Variants in PKD1L1 observed in about 807,000 individuals in gnomAD.
PKD1L1 encodes the protein polycystin-1-like protein 1.
Under a neutral mutation model 323.4 loss-of-function variants are expected in PKD1L1, and 236 were observed. That is an observed-to-expected ratio of 0.73 (90% CI 0.66 to 0.81). The LOEUF is 0.81. Ranked by LOEUF, PKD1L1 falls within the 40% of genes least tolerant of loss-of-function variation. PKD1L1 has a pLI of 0.00. For missense variants in PKD1L1, 3,320 were observed against 3,508.0 expected (o/e 0.95, Z 1.35); for synonymous variants, 1,344 against 1,335.0 (o/e 1.01, Z -0.15).
At chr7:47,832,183 G>A (rs1169691059) in intron 41 of PKD1L1, among the ~76,000 whole-genome samples, 1 of 152,228 alleles carries the variant, frequency 6.6e-6, no homozygotes, top group Non-Finnish European at 1.5e-5. Context: ...AATGTGAGCT[G>A]TGGCCGGGAC....
chr7:47,808,739 A>C (rs906394173), intron 51 of PKD1L1, among the ~76,000 whole-genome samples: 16 of 152,236 alleles, frequency 1.1e-4, no homozygotes, highest in Non-Finnish European at 7.3e-5. Context: ...ATACAGTACA[A>C]AAGGTAAAAA....
chr7:47,937,552 C>T (rs1176220702), intron 3 of PKD1L1, among the ~76,000 whole-genome samples: 2 of 152,060 alleles, frequency 1.3e-5, no homozygotes, highest in African/African-American at 4.8e-5. Flanking sequence ...TGGCACGCTC[C>T]AATGCACAGA....
intron 46 of PKD1L1, chr7:47,819,376 G>A (rs941998318): frequency 5.2e-6 from 2 of 387,070 alleles, no homozygotes; most frequent in Non-Finnish European, 9.1e-6. Context: ...CAATTCATAT[G>A]AGAAATATGT....
At chr7:47,844,868 A>C in intron 33 of PKD1L1, 127 bp downstream of exon 33, 1 of 626,474 alleles carries the variant, frequency 1.6e-6, no homozygotes, top group Non-Finnish European at 2.7e-6. Context: ...TAATATGCAC[A>C]TTTCAAAAAT....
chr7:47,862,573 T>C (rs1786056267), intron 26 of PKD1L1, among the ~76,000 whole-genome samples: 1 of 152,188 alleles, frequency 6.6e-6, no homozygotes, highest in South Asian at 2.1e-4. Flanking sequence ...AATGAGATAG[T>C]TGCTGTTGTG....
At chr7:47,884,737 T>A in intron 18 of PKD1L1, 80 bp from the exon 19 acceptor site, 1 of 1,126,550 alleles carries the variant, frequency 8.9e-7, no homozygotes, top group Non-Finnish European at 1.3e-6. Context: ...CCCTGATGGG[T>A]CACATTGTCC....
chr7:47,923,945 CT>C (rs200401688), intron 7 of PKD1L1, among the ~76,000 whole-genome samples: 55 of 148,194 alleles, frequency 3.7e-4, no homozygotes, highest in African/African-American at 1.1e-3. Context: ...ATCAACAACT[CT>C]TTTTTTTTTA....
At chr7:47,806,583 C>A (rs1383702752) in intron 52 of PKD1L1, among the ~76,000 whole-genome samples, 2 of 152,226 alleles carry the variant, frequency 1.3e-5, no homozygotes, top group African/African-American at 4.8e-5. Flanking sequence ...ACCAGGGGAG[C>A]AGTAGTGAAC....
At chr7:47,844,630 A>C (rs1785627806) in intron 33 of PKD1L1, among the ~76,000 whole-genome samples, 1 of 152,248 alleles carries the variant, frequency 6.6e-6, no homozygotes, top group African/African-American at 2.4e-5. Flanking sequence ...AGGCTGTGAC[A>C]ATAAACATAA....
At chr7:47,880,203 T>C (rs1304899272) in intron 21 of PKD1L1, among the ~76,000 whole-genome samples, 1 of 142,908 alleles carries the variant, frequency 7.0e-6, no homozygotes, top group Non-Finnish European at 1.5e-5. Flanking sequence ...ACGGACAGAT[T>C]TGCAGGAAAG....
At chr7:47,944,714 C>T (rs981115894) in intron 1 of PKD1L1, among the ~76,000 whole-genome samples, 1 of 152,254 alleles carries the variant, frequency 6.6e-6, no homozygotes, top group South Asian at 2.1e-4. Flanking sequence ...TAGGCCTTGA[C>T]AGCTGTCTGC....
chr7:47,923,652 A>G (rs1787601216), intron 7 of PKD1L1, among the ~76,000 whole-genome samples: 1 of 138,836 alleles, frequency 7.2e-6, no homozygotes. Flanking sequence ...CTCTGGCAAA[A>G]ATAAATAAAT....
intron 56 of PKD1L1, among the ~76,000 whole-genome samples, chr7:47,787,451 G>A (rs1308946482): frequency 6.6e-6 from 1 of 152,078 alleles, no homozygotes; most frequent in East Asian, 1.9e-4. Context: ...AAGTCATAAG[G>A]GCAAAGACAG....
intron 18 of PKD1L1, 136 bp from the exon 19 acceptor site, chr7:47,884,793 T>A (rs1360744007): frequency 2.2e-5 from 16 of 739,560 alleles, no homozygotes; most frequent in Non-Finnish European, 3.7e-5. Context: ...GATTACAAAA[T>A]ACCCTCAGTG....
intron 15 of PKD1L1, among the ~76,000 whole-genome samples, chr7:47,892,292 G>A (rs992550875): frequency 1.3e-5 from 2 of 152,192 alleles, no homozygotes; most frequent in Non-Finnish European, 2.9e-5. Context: ...ATGAGCTGCA[G>A]AAGGAACCCT....
Position 47,887,134 on chromosome 7 carries a change from C to A in PKD1L1, c.2836+856G>T, listed in dbSNP as rs142870430. Among the ~76,000 whole-genome samples the A allele has an allele frequency of 2.9e-3, 437 of 152,316 alleles. 2 individuals carry two copies. The highest frequency in any genetic ancestry group is 1.0e-2 in the African/African-American group (414 of 41,570). Reference sequence around the variant, plus strand: ...AATTTACCTAAAAGAATTTGGAATGCCTCTCTTGCCAAGAAGGGCACAATC... The same window carrying A: ...AATTTACCTAAAAGAATTTGGAATGACTCTCTTGCCAAGAAGGGCACAATC... On this transcript the variant is annotated intron_variant, in intron 17 of 56. Transcript: ENST00000289672.
chr7:47,792,520 T>A, intron 56 of PKD1L1, 107 bp downstream of exon 56: 1 of 1,132,766 alleles, frequency 8.8e-7, no homozygotes, highest in Middle Eastern at 2.3e-4. Flanking sequence ...CTAAAGAATA[T>A]TTATGCAAAT....
rs17131909 is a variant in PKD1L1, at chr7:47,888,051, C to T, written c.2775G>A (p.Pro925=). The change falls in exon 17 of 57, where the codon CCG becomes CCA. Residue 925 remains proline, a synonymous_variant. Transcript: ENST00000289672. ...AGAGATCCCAGGAATAAGACAGATT[C>T]GGTATTTCACTGCAGTCCTCACACA... The part of the protein sequence containing the change: ...QAMCEDCSEI[P]NLSYSWDLFL... The T allele has an allele frequency of 1.6e-3, 2,627 of 1,613,878 alleles. 28 individuals carry two copies. The African/African-American group carries it at 0.03, about 18-fold the overall frequency.
chr7:47,901,248 G>T (rs145596073), intron 13 of PKD1L1, among the ~76,000 whole-genome samples: 2,188 of 140,688 alleles, frequency 0.016, 48 homozygotes, highest in African/African-American at 0.055. Flanking sequence ...TGAGGCAGGA[G>T]AATCGCTTAA....
Sources: allele counts gnomAD v4.1 joint callset (sites outside exome capture counted in the v4.1 genomes callset), GRCh38; gene constraint gnomAD v4.1.1; transcripts MANE v1.5; gene names NCBI Gene and HGNC (gene_info 2026-07-23, HGNC 2026-07-21).